Variants in MGMT observed in about 807,000 individuals in gnomAD.
MGMT encodes O-6-methylguanine-DNA methyltransferase.
MGMT carries 14 observed loss-of-function variants against 15.9 expected under a neutral mutation model. The ratio of observed to expected loss-of-function variants is 0.88; its 90% confidence interval spans 0.58 to 1.37. The LOEUF (loss-of-function observed/expected upper bound fraction) is 1.37. MGMT is among the 40% of genes most tolerant of loss of function. The probability of loss-of-function intolerance (pLI) is 0.00; values close to 1 mark genes in which losing one functional copy is unlikely to be tolerated. For missense variants in MGMT, 282 were observed against 268.1 expected, an observed-to-expected ratio of 1.05 and a Z score of -0.36; for synonymous variants, 130 against 118.2, an observed-to-expected ratio of 1.10 and a Z score of -0.65.
intron 2 of MGMT, among the ~76,000 whole-genome samples, chr10:129,562,060 G>A (rs963295533): frequency 6.6e-6 from 1 of 152,146 alleles, no homozygotes; most frequent in East Asian, 1.9e-4. Flanking sequence ...TGTGAACAGC[G>A]CCAGGCTGTA....
chr10:129,471,900 G>GT (rs1845235742), intron 1 of MGMT, among the ~76,000 whole-genome samples: 1 of 152,214 alleles, frequency 6.6e-6, no homozygotes, highest in African/African-American at 2.4e-5. Flanking sequence ...GTACGGTTTT[G>GT]TAACTCCTGA....
chr10:129,521,550 G>A (rs781745741), intron 1 of MGMT, among the ~76,000 whole-genome samples: 73 of 152,226 alleles, frequency 4.8e-4, no homozygotes, highest in Non-Finnish European at 9.1e-4. Flanking sequence ...GATTCAAACT[G>A]TATCCAAGAG....
intron 2 of MGMT, among the ~76,000 whole-genome samples, chr10:129,577,335 G>A (rs1354840439): frequency 2.0e-5 from 3 of 152,126 alleles, no homozygotes; most frequent in African/African-American, 7.2e-5. Context: ...TACCAAAACA[G>A]AGATATAGAC....
intron 2 of MGMT, among the ~76,000 whole-genome samples, chr10:129,609,035 T>G (rs1481108036): frequency 6.6e-6 from 1 of 152,214 alleles, no homozygotes; most frequent in African/African-American, 2.4e-5. Flanking sequence ...AAGCCTTCTC[T>G]CCTCTCTTAC....
At chr10:129,643,489 T>C (rs1427647833) in intron 2 of MGMT, among the ~76,000 whole-genome samples, 1 of 152,140 alleles carries the variant, frequency 6.6e-6, no homozygotes, top group African/African-American at 2.4e-5. Context: ...AGAGGCTTGC[T>C]CAGAAGACGT....
At chr10:129,723,851 C>A (rs944504122) in intron 3 of MGMT, among the ~76,000 whole-genome samples, 1 of 152,166 alleles carries the variant, frequency 6.6e-6, no homozygotes, top group Non-Finnish European at 1.5e-5. Context: ...GCATATATCC[C>A]AGGGCAGCTC....
chr10:129,708,459 C>T (rs1395101132), intron 3 of MGMT, among the ~76,000 whole-genome samples: 2 of 152,196 alleles, frequency 1.3e-5, no homozygotes, highest in African/African-American at 4.8e-5. Context: ...GTGACACTTA[C>T]ATCATAGCAG....
intron 2 of MGMT, among the ~76,000 whole-genome samples, chr10:129,593,302 G>A (rs1168473165): frequency 2.0e-5 from 3 of 152,174 alleles, no homozygotes; most frequent in Non-Finnish European, 2.9e-5. Flanking sequence ...GAGAAGGCTC[G>A]GAAGCCTCCC....
chr10:129,632,707 G>C (rs548155266), intron 2 of MGMT, among the ~76,000 whole-genome samples: 1 of 152,188 alleles, frequency 6.6e-6, no homozygotes, highest in South Asian at 2.1e-4. Flanking sequence ...GAGTTTGGGG[G>C]AGAGAGGGAG....
chr10:129,718,084 A>C (rs1353082262), intron 3 of MGMT, among the ~76,000 whole-genome samples: 1 of 152,082 alleles, frequency 6.6e-6, no homozygotes, highest in Non-Finnish European at 1.5e-5. Flanking sequence ...CACGACCCCA[A>C]CGTGGGGACA....
intron 2 of MGMT, among the ~76,000 whole-genome samples, chr10:129,574,881 C>G (rs749855545): frequency 3.3e-5 from 5 of 152,132 alleles, no homozygotes; most frequent in Non-Finnish European, 7.3e-5. Context: ...TCTCTTACAT[C>G]TAATATTCTC....
chr10:129,528,224 GA>G (rs59394518), intron 1 of MGMT, among the ~76,000 whole-genome samples: 37,859 of 151,944 alleles, frequency 0.25, 5,687 homozygotes, highest in African/African-American at 0.43. Flanking sequence ...CTGGTTTGAA[GA>G]AAAAACAGGA....
At chr10:129,760,405 A>G (rs944664738) in intron 4 of MGMT, among the ~76,000 whole-genome samples, 1 of 152,246 alleles carries the variant, frequency 6.6e-6, no homozygotes, top group Non-Finnish European at 1.5e-5. Context: ...TTCTAGCATG[A>G]TGGAAGCATA....
chr10:129,737,476 C>T (rs1399012254), intron 3 of MGMT, among the ~76,000 whole-genome samples: 3 of 152,192 alleles, frequency 2.0e-5, no homozygotes, highest in Non-Finnish European at 4.4e-5. Flanking sequence ...TCAAAGTTTT[C>T]AACTTCTTTG....
chr10:129,669,025 TCTATTG>T (rs1417464860), intron 2 of MGMT, among the ~76,000 whole-genome samples: 1 of 152,228 alleles, frequency 6.6e-6, no homozygotes, highest in Non-Finnish European at 1.5e-5. Flanking sequence ...ATATATATAA[TCTATTG>T]TAAGTGTTAT....
intron 3 of MGMT, among the ~76,000 whole-genome samples, chr10:129,741,906 C>T (rs1401350289): frequency 6.6e-6 from 1 of 152,220 alleles, no homozygotes; most frequent in Admixed American, 6.5e-5. Flanking sequence ...TCGGAGCCCC[C>T]ATCAGCCAGG....
chr10:129,575,103 C>A (rs898059848), intron 2 of MGMT, among the ~76,000 whole-genome samples: 5 of 152,172 alleles, frequency 3.3e-5, no homozygotes, highest in African/African-American at 1.2e-4. Context: ...TAACACCCCA[C>A]CGTTAACATT....
intron 3 of MGMT, among the ~76,000 whole-genome samples, chr10:129,740,390 G>A (rs1172927190): frequency 6.6e-6 from 1 of 152,042 alleles, no homozygotes; most frequent in East Asian, 1.9e-4. Context: ...ACCAGGGAGA[G>A]CAAGAAGGTC....
chr10:129,647,578 C>T (rs1847411913), intron 2 of MGMT, among the ~76,000 whole-genome samples: 1 of 152,164 alleles, frequency 6.6e-6, no homozygotes, highest in African/African-American at 2.4e-5. Flanking sequence ...GCCAAGAGAT[C>T]CTAAACATTT....
Sources: allele counts gnomAD v4.1 joint callset (sites outside exome capture counted in the v4.1 genomes callset), GRCh38; gene constraint gnomAD v4.1.1; transcripts MANE v1.5; gene names NCBI Gene and HGNC (gene_info 2026-07-23, HGNC 2026-07-21).